CTBP2: variants seen among roughly 807,000 people sequenced by gnomAD.
CTBP2 encodes the protein C-terminal binding protein 2.
CTBP2 carries 30 observed loss-of-function variants against 80.3 expected under a neutral mutation model. The observed-to-expected ratio is 0.37, with a 90% CI of 0.28 to 0.51. The LOEUF is 0.51. Ranked by LOEUF, CTBP2 falls within the 20% of genes least tolerant of loss-of-function variation. The probability of loss-of-function intolerance (pLI) is 0.93; values close to 1 mark genes in which losing one functional copy is unlikely to be tolerated. For missense variants in CTBP2, 1,212 were observed against 1,375.3 expected, an observed-to-expected ratio of 0.88 and a Z score of 1.88; for synonymous variants, 594 against 587.4, an observed-to-expected ratio of 1.01 and a Z score of -0.16.
chr10:125,007,605 G>A (rs1001314499), intron 1 of CTBP2, among the ~76,000 whole-genome samples: 1 of 152,318 alleles, frequency 6.6e-6, no homozygotes, highest in African/African-American at 2.4e-5. Context: ...CTCGGATACA[G>A]GCAGACAGGC....
chr10:125,042,991 T>A (rs941022878), intron 2 of CTBP2, among the ~76,000 whole-genome samples: 1 of 152,144 alleles, frequency 6.6e-6, no homozygotes, highest in African/African-American at 2.4e-5. Flanking sequence ...TTGCTTTAAG[T>A]GAGGGCTGTG....
chr10:125,156,848 T>A (rs1861007705), intron 1 of CTBP2, among the ~76,000 whole-genome samples: 1 of 152,244 alleles, frequency 6.6e-6, no homozygotes, highest in Non-Finnish European at 1.5e-5. Context: ...AAGTTAAGAC[T>A]GAAGTTATTG....
At chr10:125,004,344 C>T (rs1199502465) in intron 1 of CTBP2, among the ~76,000 whole-genome samples, 6 of 152,190 alleles carry the variant, frequency 3.9e-5, no homozygotes, top group Non-Finnish European at 7.3e-5. Context: ...CTGCGGGGCC[C>T]GCCCAGGATG....
intron 1 of CTBP2, among the ~76,000 whole-genome samples, chr10:125,155,913 A>G (rs1228988865): frequency 2.0e-5 from 3 of 152,206 alleles, no homozygotes; most frequent in African/African-American, 7.2e-5. Flanking sequence ...AAGTGTATCC[A>G]TTCCAGCATT....
In CTBP2 at chr10:125,099,667, G is replaced by C. The variant is rs539785925; in HGVS notation, c.-102+11323C>G. Among the ~76,000 whole-genome samples, 3 of 152,366 alleles carry C rather than the reference G, an allele frequency of 2.0e-5. No homozygotes were observed. In the South Asian group the frequency reaches 6.2e-4, roughly 32 times the overall value. Reference sequence around the variant, plus strand: ...AGCTCTTGAGTTGTCAAAAACCCATGGCTAAAGGAGAACCCAAATGGTGCC... The same window carrying C: ...AGCTCTTGAGTTGTCAAAAACCCATCGCTAAAGGAGAACCCAAATGGTGCC... On this transcript the variant is annotated intron_variant, in intron 2 of 10. Transcript: ENST00000337195.
Position 124,985,291 on chromosome 10 carries a change from C to A in CTBP2, c.*4227G>T. 1 of 254,016 alleles carries A rather than the reference C, an allele frequency of 3.9e-6. No individual in the cohort carries two copies. The highest frequency in any genetic ancestry group is 7.5e-6 in the Non-Finnish European group (1 of 134,002). The allele number at this position is 254,016 out of a possible 1,614,324, so 15.7% of individuals were successfully genotyped here. On this transcript the variant is annotated 3_prime_UTR_variant, in exon 9 of 9. Transcript: ENST00000309035. ...ATGTAACGCATGTGGTTGTGTAAGACATTGTTTAATAGGAAAAGTTGTACC... is the reference window on the plus strand; with the variant it reads ...ATGTAACGCATGTGGTTGTGTAAGAAATTGTTTAATAGGAAAAGTTGTACC...
chr10:124,984,423 A>C lies in CTBP2; in HGVS notation c.*5095T>G. The C allele has an allele frequency of 4.9e-6, 1 of 205,528 alleles. No homozygotes were observed. The highest frequency in any genetic ancestry group is 9.6e-6 in the Non-Finnish European group (1 of 103,682). The allele number at this position is 205,528 out of a possible 1,614,324, so 12.7% of individuals were successfully genotyped here. On this transcript the variant is annotated 3_prime_UTR_variant, in exon 9 of 9. Coordinates refer to ENST00000309035, the MANE Select transcript of CTBP2 (RefSeq NM_022802.3). ...CATAGACCGTAACTTGTATAATTTC[A>C]GCTTGTACATAATTGACTAAGTAAA...
At chr10:125,025,896 C>T (rs1189218242) in intron 1 of CTBP2, among the ~76,000 whole-genome samples, 1 of 152,234 alleles carries the variant, frequency 6.6e-6, no homozygotes, top group African/African-American at 2.4e-5. Context: ...GCCTGACACA[C>T]AAATCTGATT....
At chr10:125,141,291 C>A (rs1175459128) in intron 1 of CTBP2, among the ~76,000 whole-genome samples, 1 of 152,190 alleles carries the variant, frequency 6.6e-6, no homozygotes, top group Non-Finnish European at 1.5e-5. Flanking sequence ...CTTCTCATTA[C>A]CTCCTCCTGT....
intron 1 of CTBP2, among the ~76,000 whole-genome samples, chr10:125,139,787 C>T (rs1591035730): frequency 1.3e-5 from 2 of 152,284 alleles, no homozygotes; most frequent in East Asian, 3.9e-4. Context: ...GTATCCAGGA[C>T]ACCATGAGGC....
Position 125,119,620 on chromosome 10 carries a change from T to G in CTBP2, c.-205-8527A>C, listed in dbSNP as rs72833006. ...TTCAAATCTCACATATTTTAAAACA[T>G]TCTTCAGTGAATCTCATTTTTAGTA... is the stretch of plus-strand genomic sequence containing the variant. On this transcript the variant is annotated intron_variant, in intron 1 of 10. Transcript: ENST00000337195. 2.4e-3 allele frequency among the ~76,000 whole-genome samples: 373 copies of G among 152,364 alleles called. 1 individual carries two copies. The highest frequency in any genetic ancestry group is 4.1e-3 in the Non-Finnish European group (280 of 68,034).
At position 125,026,243 on chromosome 10, in the gene CTBP2, T is replaced by G. The variant is rs985281992; in HGVS notation, c.1517A>C (p.His506Pro). 1 of 1,613,740 alleles carries G rather than the reference T, an allele frequency of 6.2e-7. No individual in the cohort carries two copies. Among genetic ancestry groups the G allele is most frequent in the Non-Finnish European group, 8.5e-7 (1 of 1,179,932 alleles). The change falls in exon 1 of 9, where the codon CAC becomes CCC. Residue 506 changes from histidine to proline, a missense_variant. His to Pro is a moderately conservative substitution (Grantham distance 77, BLOSUM62 -2). Transcript: ENST00000309035. Reference sequence around the variant, plus strand: ...CTTCCGCAAGACCTGGGGGCTGCCGTGAGGGCTGGGCAGCGGAGAGGCGGC... The same window carrying G: ...CTTCCGCAAGACCTGGGGGCTGCCGGGAGGGCTGGGCAGCGGAGAGGCGGC...
chr10:124,993,603 G>C (rs558004329), intron 6 of CTBP2, among the ~76,000 whole-genome samples: 16 of 152,296 alleles, frequency 1.1e-4, no homozygotes, highest in South Asian at 2.1e-4. Context: ...CTGTCTGTCT[G>C]AAGACCAGAA....
In CTBP2 at chr10:125,028,057, C is replaced by T; in HGVS notation, c.-298G>A. The stretch of plus-strand genomic sequence containing the variant: ...TCCCCAGCCTGCCAGGTCCCCCTTC[C>T]TGGCTGGTGTGCTCACATGGACCAG... On this transcript the variant is annotated 5_prime_UTR_variant, in exon 1 of 9. Transcript: ENST00000309035. 1 of 497,310 alleles carries T rather than the reference C, an allele frequency of 2.0e-6. No individual in the cohort carries two copies. Among genetic ancestry groups the T allele is most frequent in the Non-Finnish European group, 3.0e-6 (1 of 328,142 alleles). The allele number at this position is 497,310 out of a possible 1,614,324, so 30.8% of individuals were successfully genotyped here.
intron 2 of CTBP2, among the ~76,000 whole-genome samples, chr10:125,067,717 T>C (rs1409246365): frequency 6.6e-6 from 1 of 152,176 alleles, no homozygotes; most frequent in Non-Finnish European, 1.5e-5. Flanking sequence ...AGCAGTAAGT[T>C]ATAGCAAGTG....
rs763538787 is a variant in CTBP2 at position 125,026,875 on chromosome 10, G to T, written c.885C>A (p.Ala295=). The T allele has an allele frequency of 7.4e-6, 12 of 1,613,910 alleles. No homozygotes were observed. Among genetic ancestry groups the T allele is most frequent in the Non-Finnish European group, 1.0e-5 (12 of 1,180,010 alleles). Residue 295 remains alanine (A), a synonymous_variant, in exon 1 of 9, where the codon GCC becomes GCA. Transcript: ENST00000309035. ...CTGCCAGCCCCTCCGCCCGCAGAAAGGCCAGGAACTCAGGGAGCACGGTCC... is the reference window on the plus strand; with the variant it reads ...CTGCCAGCCCCTCCGCCCGCAGAAATGCCAGGAACTCAGGGAGCACGGTCC...
intron 2 of CTBP2, among the ~76,000 whole-genome samples, chr10:125,074,935 G>C (rs1243926855): frequency 6.6e-6 from 1 of 152,232 alleles, no homozygotes; most frequent in African/African-American, 2.4e-5. Flanking sequence ...CCTTGACTAC[G>C]ACTTCCACAG....
chr10:125,079,052 A>C (rs2935648), intron 2 of CTBP2, among the ~76,000 whole-genome samples: 40,345 of 149,402 alleles, frequency 0.27, 5,863 homozygotes, highest in East Asian at 0.37. Context: ...GAGGCTAAGG[A>C]ACGAGAATTG....
chr10:125,071,036 T>C (rs1460972591), intron 2 of CTBP2, among the ~76,000 whole-genome samples: 2 of 152,234 alleles, frequency 1.3e-5, no homozygotes, highest in African/African-American at 4.8e-5. Context: ...ATGCGGTGAT[T>C]GCTTCCCTCC....
Sources: gnomAD v4.1 joint callset for allele counts (sites outside exome capture counted in the v4.1 genomes callset) on GRCh38, gnomAD v4.1.1 for gene constraint, MANE v1.5 for transcripts, NCBI Gene and HGNC (gene_info 2026-07-23, HGNC 2026-07-21) for gene names.